The following PLAC1 variants were observed in gnomAD, a reference collection of about 807,000 sequenced individuals.
PLAC1 encodes placenta-specific protein 1.
For missense variants in PLAC1, 136 were observed against 163.2 expected, an observed-to-expected ratio of 0.83 and a Z score of 0.91; for synonymous variants, 68 against 62.1, an observed-to-expected ratio of 1.09 and a Z score of -0.44.
chrX:134,710,949 G>C (rs918191847), intron 2 of PLAC1, among the ~76,000 whole-genome samples: 2 of 111,884 alleles, frequency 1.8e-5, no homozygotes, highest in Admixed American at 9.5e-5. Context: ...AATGAAACGT[G>C]TGTTAAATAC....
chrX:134,666,084 C>A (rs916948040), intron 2 of PLAC1, among the ~76,000 whole-genome samples: 1 of 111,483 alleles, frequency 9.0e-6, no homozygotes, highest in South Asian at 3.8e-4. Context: ...AGCAAGCAAA[C>A]GCAGAATCGG....
intron 2 of PLAC1, among the ~76,000 whole-genome samples, chrX:134,577,070 CTG>C (rs1266192281): frequency 8.9e-6 from 1 of 112,037 alleles, no homozygotes; most frequent in Admixed American, 9.5e-5. Flanking sequence ...TGTTCTGACT[CTG>C]TGTTTTGTTA....
rs539284302 is a variant in PLAC1, at chrX:134,740,924, C to T, written n.90-7405G>A. ...GCCCTGCTGACATCTTGCTTTCAGA[C>T]TTCTGGCCTCTAGAACTGCGAAGGA... is the stretch of plus-strand genomic sequence containing the variant. On this transcript the variant is annotated intron_variant and non_coding_transcript_variant, in intron 1 of 2. Transcript: ENST00000466797. Among the ~76,000 whole-genome samples, 4 of 112,107 alleles carry T rather than the reference C, an allele frequency of 3.6e-5. No homozygotes were observed. The South Asian group carries it at 1.5e-3, about 42-fold the overall frequency.
At chrX:134,662,780 G>A (rs2078420995), upstream of PLAC1, among the ~76,000 whole-genome samples, 1 of 111,121 alleles carries the variant, frequency 9.0e-6, no homozygotes, top group South Asian at 3.8e-4. Context: ...ATAATAAAAA[G>A]TATCCAGGCA....
intron 2 of PLAC1, among the ~76,000 whole-genome samples, chrX:134,732,935 A>G (rs2078692979): frequency 9.0e-6 from 1 of 111,309 alleles, no homozygotes; most frequent in African/African-American, 3.3e-5. Context: ...CTGGGAAGAG[A>G]GACGGCGAGG....
At chrX:134,758,056 G>C (rs2078761170) in intron 1 of PLAC1, among the ~76,000 whole-genome samples, 1 of 110,625 alleles carries the variant, frequency 9.0e-6, no homozygotes, top group Non-Finnish European at 1.9e-5. Context: ...ATTTACAATA[G>C]TTACAAAAAT....
intron 2 of PLAC1, among the ~76,000 whole-genome samples, chrX:134,678,037 A>G (rs776313990): frequency 1.8e-5 from 2 of 111,603 alleles, no homozygotes; most frequent in East Asian, 5.6e-4. Context: ...AAGGGGATGG[A>G]TGGAGACAGT....
chrX:134,663,313 T>C (rs376917087), upstream of PLAC1, among the ~76,000 whole-genome samples: 16 of 112,989 alleles, frequency 1.4e-4, no homozygotes, highest in East Asian at 1.1e-3. Flanking sequence ...ATACAAGAGT[T>C]AGGTAAAAAT....
intron 1 of PLAC1, among the ~76,000 whole-genome samples, chrX:134,750,360 A>C (rs2078738039): frequency 1.8e-5 from 2 of 110,330 alleles, no homozygotes; most frequent in Non-Finnish European, 3.8e-5. Context: ...TATGCTGTGA[A>C]TATCCCAATC....
chrX:134,665,861 T>C (rs2078435054), intron 2 of PLAC1, among the ~76,000 whole-genome samples: 1 of 109,491 alleles, frequency 9.1e-6, no homozygotes, highest in African/African-American at 3.3e-5. Flanking sequence ...TTTAGAGGAG[T>C]CTTCTGGGTG....
At chrX:134,637,041 G>GT (rs770543064) in intron 1 of PLAC1, among the ~76,000 whole-genome samples, 6 of 112,599 alleles carry the variant, frequency 5.3e-5, no homozygotes, top group Non-Finnish European at 1.1e-4. Context: ...AATGAAAGCA[G>GT]TGAGTCAGCA....
chrX:134,591,769 G>A (rs1050171519), intron 2 of PLAC1, among the ~76,000 whole-genome samples: 1 of 112,159 alleles, frequency 8.9e-6, no homozygotes, highest in Non-Finnish European at 1.9e-5. Flanking sequence ...CACTAGCAAT[G>A]TCTGAGAGAT....
intron 2 of PLAC1, among the ~76,000 whole-genome samples, chrX:134,599,182 G>A (rs1266592706): frequency 9.0e-6 from 1 of 111,633 alleles, no homozygotes; most frequent in Non-Finnish European, 1.9e-5. Flanking sequence ...CAGATCTAAA[G>A]GTCTAGGATT....
intron 1 of PLAC1, among the ~76,000 whole-genome samples, chrX:134,628,092 G>T (rs1461889779): frequency 1.8e-5 from 2 of 112,252 alleles, no homozygotes; most frequent in African/African-American, 6.5e-5. Context: ...AAAGAGCTCA[G>T]CATGGTGCCT....
chrX:134,607,545 C>T lies in PLAC1; in HGVS notation c.-130-5423G>A, dbSNP rs750558750. 2.0e-4 allele frequency: 35 copies of T among 173,305 alleles called. No homozygotes were observed. The South Asian group carries it at 2.9e-3, about 14-fold the overall frequency. The allele number at this position is 173,305 out of a possible 1,213,427, so 14.3% of individuals were successfully genotyped here. ...CCTGGGTTCAACTGAAGCACCAGCC[C>T]GCTCCACCCAGAGAAGCACACTGTG... On this transcript the variant is annotated intron_variant, in intron 1 of 2. Transcript: ENST00000359237.
chrX:134,680,792 C>A (rs1043693757), intron 2 of PLAC1, among the ~76,000 whole-genome samples: 2 of 111,901 alleles, frequency 1.8e-5, no homozygotes, highest in Non-Finnish European at 1.9e-5. Flanking sequence ...TAGAGCAGGG[C>A]AGACATGGTA....
chrX:134,736,268 A>C (rs1349904505), intron 1 of PLAC1, among the ~76,000 whole-genome samples: 1 of 109,112 alleles, frequency 9.2e-6, no homozygotes, highest in Non-Finnish European at 1.9e-5. Context: ...ACAAAGCGAG[A>C]CTCCATTTCA....
At chrX:134,702,299 T>C (rs192922875) in intron 2 of PLAC1, among the ~76,000 whole-genome samples, 1 of 112,515 alleles carries the variant, frequency 8.9e-6, no homozygotes, top group Admixed American at 9.4e-5. Flanking sequence ...CACACTTGCA[T>C]GTTCATTGCA....
At chrX:134,649,084 T>C (rs1016768957) in intron 1 of PLAC1, among the ~76,000 whole-genome samples, 11 of 110,231 alleles carry the variant, frequency 1.0e-4, no homozygotes, top group African/African-American at 2.3e-4. Flanking sequence ...CTGGCCAACA[T>C]AGTGAAGCCC....
Sources: allele counts gnomAD v4.1 joint callset (sites outside exome capture counted in the v4.1 genomes callset), GRCh38; gene constraint gnomAD v4.1.1; transcripts MANE v1.5; gene names NCBI Gene and HGNC (gene_info 2026-07-23, HGNC 2026-07-21).